ADAMTSL3: variants seen among roughly 807,000 people sequenced by gnomAD.
The protein encoded by ADAMTSL3 is ADAMTS like 3.
Under a neutral mutation model 201.7 loss-of-function variants are expected in ADAMTSL3, and 128 were observed. The ratio of observed to expected loss-of-function variants is 0.63; its 90% CI spans 0.55 to 0.73. ADAMTSL3 has a LOEUF of 0.73. Among genes scored for constraint, ADAMTSL3 ranks in the 30% least tolerant of loss-of-function variants. The pLI, the probability that ADAMTSL3 is intolerant of heterozygous loss-of-function variation, is 0.00. For synonymous variants in ADAMTSL3, 738 were observed against 748.4 expected, an observed-to-expected ratio of 0.99 and a Z score of 0.23; for missense variants, 1,990 against 2,119.6, an observed-to-expected ratio of 0.94 and a Z score of 1.20.
intron 15 of ADAMTSL3, among the ~76,000 whole-genome samples, chr15:83,910,610 T>C (rs944727349): frequency 1.3e-5 from 2 of 151,032 alleles, no homozygotes; most frequent in African/African-American, 4.9e-5. Context: ...AACCATTATT[T>C]GCCCTGCTGG....
At chr15:83,718,638 C>T (rs1241200223) in intron 3 of ADAMTSL3, among the ~76,000 whole-genome samples, 3 of 149,228 alleles carry the variant, frequency 2.0e-5, no homozygotes, top group Non-Finnish European at 4.4e-5. Context: ...TTGCCGCGAG[C>T]TGAGATCCTG....
chr15:83,910,863 C>G (rs1001648187), intron 15 of ADAMTSL3, among the ~76,000 whole-genome samples: 8 of 151,352 alleles, frequency 5.3e-5, no homozygotes, highest in Non-Finnish European at 1.2e-4. Context: ...TAGTCTCGAA[C>G]TCCTGACCTC....
chr15:83,718,554 A>T (rs1596082396), intron 3 of ADAMTSL3, among the ~76,000 whole-genome samples: 1 of 151,448 alleles, frequency 6.6e-6, no homozygotes, highest in South Asian at 2.1e-4. Context: ...AAATACAAAA[A>T]TTAGCCAGGC....
intron 19 of ADAMTSL3, among the ~76,000 whole-genome samples, chr15:83,959,505 G>A (rs1179265776): frequency 6.6e-6 from 1 of 152,108 alleles, no homozygotes; most frequent in South Asian, 2.1e-4. Context: ...TCAAACTGAC[G>A]CTAGACTTCT....
At chr15:83,720,417 A>G (rs1431523717) in intron 3 of ADAMTSL3, among the ~76,000 whole-genome samples, 3 of 152,216 alleles carry the variant, frequency 2.0e-5, no homozygotes, top group African/African-American at 7.2e-5. Context: ...TCATTGCCAC[A>G]TTAAAATAAG....
intron 3 of ADAMTSL3, among the ~76,000 whole-genome samples, chr15:83,750,433 T>G (rs965283800): frequency 1.2e-4 from 18 of 152,248 alleles, no homozygotes; most frequent in African/African-American, 4.3e-4. Context: ...CTTGGTGTCA[T>G]GCCCATAATC....
chr15:83,788,895 C>T (rs1017539323), intron 4 of ADAMTSL3, among the ~76,000 whole-genome samples: 28 of 152,068 alleles, frequency 1.8e-4, no homozygotes, highest in Admixed American at 1.7e-3. Flanking sequence ...CTGCAGCCTC[C>T]GCCTCCTGGG....
intron 9 of ADAMTSL3, among the ~76,000 whole-genome samples, chr15:83,874,173 A>G (rs1427883157): frequency 7.8e-6 from 1 of 127,774 alleles, no homozygotes; most frequent in Non-Finnish European, 1.8e-5. Context: ...GGACAAAGGA[A>G]GCGGGCAGCG....
chr15:83,791,230 A>G (rs1225435088), intron 4 of ADAMTSL3, among the ~76,000 whole-genome samples: 1 of 152,234 alleles, frequency 6.6e-6, no homozygotes, highest in African/African-American at 2.4e-5. Flanking sequence ...ATAGAAAAAA[A>G]CAATCTTAAA....
intron 4 of ADAMTSL3, among the ~76,000 whole-genome samples, chr15:83,777,515 C>T (rs1459246845): frequency 6.6e-6 from 1 of 152,120 alleles, no homozygotes; most frequent in Non-Finnish European, 1.5e-5. Context: ...TGTTGGCCCC[C>T]TAAAATCTTT....
At chr15:83,929,317 A>T (rs866291086) in intron 17 of ADAMTSL3, among the ~76,000 whole-genome samples, 2 of 152,126 alleles carry the variant, frequency 1.3e-5, no homozygotes, top group African/African-American at 4.8e-5. Flanking sequence ...CGCGGCGTTG[A>T]TTCTTTCTTA....
intron 17 of ADAMTSL3, among the ~76,000 whole-genome samples, chr15:83,940,131 T>A (rs548343284): frequency 6.6e-6 from 1 of 152,358 alleles, no homozygotes; most frequent in South Asian, 2.1e-4. Context: ...TTCCACAAAC[T>A]TTGACATTTG....
chr15:83,692,667 C>T (rs1230102873), intron 2 of ADAMTSL3, among the ~76,000 whole-genome samples: 2 of 118,564 alleles, frequency 1.7e-5, no homozygotes, highest in East Asian at 5.1e-4. Flanking sequence ...GCCTGGGCGA[C>T]AGAGCGAGAC....
In ADAMTSL3 at chr15:83,881,117, C is replaced by T. The variant is rs115576940; in HGVS notation, c.961-3984C>T. Among the ~76,000 whole-genome samples, 1,006 of 152,310 alleles carry T rather than the reference C, an allele frequency of 6.6e-3. 7 individuals are homozygous for T. The highest frequency in any genetic ancestry group is 0.023 in the African/African-American group (935 of 41,552). On this transcript the variant is annotated intron_variant, in intron 9 of 29. Coordinates refer to ENST00000286744, the MANE Select transcript of ADAMTSL3 (RefSeq NM_207517.3). Reference sequence around the variant, plus strand: ...GATCTTCAGTCTAACACTCTTCCAACTGGATTATTTTAGCTGTCTTATTTT... The same window carrying T: ...GATCTTCAGTCTAACACTCTTCCAATTGGATTATTTTAGCTGTCTTATTTT...
rs548988194 is a variant in ADAMTSL3, at chr15:84,025,306, C to T, written c.4526C>T (p.Thr1509Met). 6.7e-5 allele frequency: 108 copies of T among 1,614,042 alleles called. No individual in the cohort carries two copies. The highest frequency in any genetic ancestry group is 4.5e-4 in the South Asian group (41 of 91,060). ...GAAGGATACCACAGTCGGCAGGTGA[C>T]GTGCAAGCGGACAAAAGCCAATGGA... is the stretch of plus-strand genomic sequence containing the variant. ...CGEGYHSRQV[T>M]CKRTKANGTV... The change falls in exon 27 of 30, where the codon ACG (threonine) becomes ATG (methionine). Residue 1509 changes from threonine (T) to methionine (M), a missense_variant. Transcript: ENST00000286744.
chr15:84,025,187 TA>T, intron 26 of ADAMTSL3, 50 bp from the exon 27 acceptor site: 1 of 1,496,442 alleles, frequency 6.7e-7, no homozygotes. Context: ...ACGCCCCCTC[TA>T]AGATCTGGCA....
chr15:84,037,978 G>T lies in ADAMTSL3; in HGVS notation c.*172G>T. On this transcript the variant is annotated 3_prime_UTR_variant, in exon 30 of 30. Coordinates refer to ENST00000286744, the MANE Select transcript of ADAMTSL3 (RefSeq NM_207517.3). ...AAGGTGTAAAGTGAAATTTTCCAAT[G>T]GTAGTTTTATATTCCAATTTTTTAA... 1 of 1,051,842 alleles carries T rather than the reference G, an allele frequency of 9.5e-7. No homozygotes were observed. Among genetic ancestry groups the T allele is most frequent in the Non-Finnish European group, 1.3e-6 (1 of 771,664 alleles). 65.2% of individuals were successfully genotyped at this position (1,051,842 alleles called of 1,614,324 possible). A position where few individuals can be genotyped will look rare whatever the true frequency, so the allele number is the denominator to read the frequency against.
rs745696403 is a variant in ADAMTSL3, at chr15:83,970,670, A to G, written c.2644+33A>G. On this transcript the variant is annotated intron_variant, in intron 20 of 29. Coordinates refer to ENST00000286744, the MANE Select transcript of ADAMTSL3 (RefSeq NM_207517.3). ...TGCGGTGTCCGCGCTTCACCAAGAT[A>G]TGCTGATTCTGTTCATTTTGTCCCG... 26 of 1,608,560 alleles carry G rather than the reference A, an allele frequency of 1.6e-5. No individual in the cohort carries two copies. In the South Asian group the frequency reaches 2.5e-4, roughly 16 times the overall value.
rs142910590 is a variant in ADAMTSL3 at position 83,984,551 on chromosome 15, A to C, written c.3716+1207A>C. On this transcript the variant is annotated intron_variant, in intron 21 of 29. Coordinates refer to ENST00000286744, the MANE Select transcript of ADAMTSL3 (RefSeq NM_207517.3). ...TTGGTTTTAGACTCTTTAAAATTTA[A>C]AAATGATTGAGGAGCCTAAAGAGCT... Among the ~76,000 whole-genome samples, 99 of 152,334 alleles carry C rather than the reference A, an allele frequency of 6.5e-4. 1 individual carries two copies. Among genetic ancestry groups the C allele is most frequent in the Middle Eastern group, 3.4e-3 (1 of 294 alleles).
Sources: allele counts gnomAD v4.1 joint callset (sites outside exome capture counted in the v4.1 genomes callset), GRCh38; gene constraint gnomAD v4.1.1; transcripts MANE v1.5; gene names NCBI Gene and HGNC (gene_info 2026-07-23, HGNC 2026-07-21).